Variants in ABAT observed in about 807,000 individuals in gnomAD.
The protein encoded by ABAT is 4-aminobutyrate aminotransferase, mitochondrial.
In ABAT, 45 loss-of-function variants were observed where a neutral mutation model predicts 64.6. That is an observed-to-expected ratio of 0.70 (90% CI 0.55 to 0.89). The LOEUF is 0.89. ABAT is among the 40% of genes least tolerant of loss of function. The pLI is 0.00. For missense variants in ABAT, 633 were observed against 658.4 expected, an observed-to-expected ratio of 0.96 and a Z score of 0.42; for synonymous variants, 297 against 250.5, an observed-to-expected ratio of 1.19 and a Z score of -1.75.
rs1277039322 is a variant in ABAT at position 8,781,471 on chromosome 16, C to A, written c.*41C>A. ...TACAGTGAGAAAGCCCGGATCCCAACAGTTGTCAAATTGATTAGTTTGCCT... is the reference window on the plus strand; with the variant it reads ...TACAGTGAGAAAGCCCGGATCCCAAAAGTTGTCAAATTGATTAGTTTGCCT... On this transcript the variant is annotated 3_prime_UTR_variant, in exon 16 of 16. Transcript: ENST00000268251. The surrounding 1 kb of genome is among the most constrained non-coding windows in gnomAD (Gnocchi z 4.5). 3 of 1,612,836 alleles carry A rather than the reference C, an allele frequency of 1.9e-6. No individual in the cohort carries two copies. The highest frequency in any genetic ancestry group is 1.7e-6 in the Non-Finnish European group (2 of 1,179,088).
rs1244978983 is a variant in ABAT at position 8,738,622 on chromosome 16, GTTTTTGTTTTTT to G, written c.70+2818_70+2829del. Among the ~76,000 whole-genome samples, 32 of 111,374 alleles carry G rather than the reference GTTTTTGTTTTTT, an allele frequency of 2.9e-4. 1 individual carries two copies. Among genetic ancestry groups the G allele is most frequent in the Admixed American group, 2.7e-3 (31 of 11,692 alleles). The allele number at this position is 111,374 out of a possible 152,430, so 73.1% of individuals were successfully genotyped here. A position where few individuals can be genotyped will look rare whatever the true frequency, so the allele number is the denominator to read the frequency against. ...CTTTTTTGTTTTTGTTTTTGTTTTT[GTTTTTGTTTTTT>G]TTTTGGTGTGTGTGTATGTGTGTCT... On this transcript the variant is annotated intron_variant, in intron 2 of 15. Coordinates refer to ENST00000268251, the MANE Select transcript of ABAT (RefSeq NM_020686.6).
chr16:8,713,996 G>C (rs555303861), intron 1 of ABAT: 2 of 437,806 alleles, frequency 4.6e-6, no homozygotes, highest in African/African-American at 2.0e-5. Flanking sequence ...GGTCGGGGGG[G>C]CACACACCCT....
intron 1 of ABAT, among the ~76,000 whole-genome samples, chr16:8,697,008 CGAG>C (rs1165738178): frequency 6.6e-6 from 1 of 152,116 alleles, no homozygotes; most frequent in Non-Finnish European, 1.5e-5. Context: ...GAACAAGAGA[CGAG>C]GAGCTTGCGT....
intron 1 of ABAT, among the ~76,000 whole-genome samples, chr16:8,694,193 AT>A (rs35832558): frequency 0.39 from 51,310 of 130,974 alleles, 9,709 homozygotes; most frequent in East Asian, 0.61. Context: ...CAATGCCCAG[AT>A]TTTTTTTTTT....
At position 8,781,701 on chromosome 16, in the gene ABAT, G is replaced by T; in HGVS notation, c.*271G>T. On this transcript the variant is annotated 3_prime_UTR_variant, in exon 16 of 16. Coordinates refer to ENST00000268251, the MANE Select transcript of ABAT (RefSeq NM_020686.6). The surrounding 1 kb of genome is among the most constrained non-coding windows in gnomAD (Gnocchi z 4.5). ...TGGACTCATCTTGGGAAGGGCCATG[G>T]GAGGTCCTGGCTAGAGTTCTGCCCA... 1 of 534,812 alleles carries T rather than the reference G, an allele frequency of 1.9e-6. No homozygotes were observed. The highest frequency in any genetic ancestry group is 1.9e-5 in the African/African-American group (1 of 52,660). The allele number at this position is 534,812 out of a possible 1,614,324, so 33.1% of individuals were successfully genotyped here.
At chr16:8,690,660 G>A (rs1279551383) in intron 1 of ABAT, among the ~76,000 whole-genome samples, 1 of 152,174 alleles carries the variant, frequency 6.6e-6, no homozygotes, top group Non-Finnish European at 1.5e-5. Flanking sequence ...TCTCGGCAGT[G>A]CCTTTTAAAT....
chr16:8,766,215 A>C lies in ABAT; in HGVS notation c.548A>C (p.Glu183Ala). The C allele has an allele frequency of 6.2e-7, 1 of 1,613,964 alleles. No individual in the cohort carries two copies. The highest frequency in any genetic ancestry group is 1.6e-4 in the Middle Eastern group (1 of 6,062). Residue 183 changes from glutamate to alanine, a missense_variant, in exon 9 of 16, where the codon GAA becomes GCA. By Grantham distance (107) the Glu-to-Ala change is moderately radical. Transcript: ENST00000268251. ...TCTGTTCTATTGTTTCAGAGCAAGG[A>C]AAGAGGGCAGAGGGGCTTCTCCCAG... ...KTIFMWYRSK[E>A]RGQRGFSQEE...
intron 1 of ABAT, among the ~76,000 whole-genome samples, chr16:8,704,258 G>A (rs61677712): frequency 0.024 from 3,670 of 152,210 alleles, 126 homozygotes; most frequent in African/African-American, 0.083. Context: ...CCACACCTTC[G>A]GAAACCAAAC....
At chr16:8,772,733 G>T (rs2142993629) in intron 11 of ABAT, 47 bp from the exon 12 acceptor site, 1 of 1,613,632 alleles carries the variant, frequency 6.2e-7, no homozygotes, top group Middle Eastern at 1.7e-4. Context: ...ACGGATACTG[G>T]TCACAAGCCT....
intron 1 of ABAT, among the ~76,000 whole-genome samples, chr16:8,704,044 C>T (rs547767877): frequency 3.5e-4 from 53 of 152,348 alleles, no homozygotes; most frequent in Non-Finnish European, 6.0e-4. Flanking sequence ...TTCTTAACTC[C>T]AAGCTTTCCT....
chr16:8,761,857 C>T (rs945086737), intron 6 of ABAT, among the ~76,000 whole-genome samples: 1 of 152,196 alleles, frequency 6.6e-6, no homozygotes, highest in African/African-American at 2.4e-5. Flanking sequence ...CAAACCAAAC[C>T]ACCCTGAAAC....
At chr16:8,732,922 G>A (rs1262975712) in intron 1 of ABAT, among the ~76,000 whole-genome samples, 7 of 149,674 alleles carry the variant, frequency 4.7e-5, no homozygotes, top group South Asian at 2.1e-4. Flanking sequence ...CTGGCCGGGC[G>A]GGGGGCTGAC....
chr16:8,695,052 C>G (rs893820989), intron 1 of ABAT, among the ~76,000 whole-genome samples: 2 of 152,224 alleles, frequency 1.3e-5, no homozygotes, highest in Non-Finnish European at 1.5e-5. Flanking sequence ...GGTGATGACC[C>G]TTTAGTACCT....
intron 1 of ABAT, among the ~76,000 whole-genome samples, chr16:8,697,178 A>G (rs1477171177): frequency 2.0e-5 from 3 of 152,182 alleles, no homozygotes; most frequent in African/African-American, 7.2e-5. Flanking sequence ...GAGGAATGAG[A>G]CAGCCGTTTC....
At chr16:8,732,102 C>G (rs1282959355) in intron 1 of ABAT, among the ~76,000 whole-genome samples, 1 of 152,000 alleles carries the variant, frequency 6.6e-6, no homozygotes, top group Non-Finnish European at 1.5e-5. Flanking sequence ...ATCCACCCAT[C>G]TCGGCCTCCC....
intron 2 of ABAT, among the ~76,000 whole-genome samples, chr16:8,744,568 A>G (rs576201385): frequency 6.6e-6 from 1 of 151,826 alleles, no homozygotes. Flanking sequence ...GGATTTCGCC[A>G]TGTTGGCCAG....
At chr16:8,737,845 T>C (rs1000378873) in intron 2 of ABAT, among the ~76,000 whole-genome samples, 4 of 147,114 alleles carry the variant, frequency 2.7e-5, no homozygotes, top group African/African-American at 1.0e-4. Flanking sequence ...GAAGAAGCAC[T>C]TGAACCCAGA....
chr16:8,722,787 G>C (rs1283558545), intron 1 of ABAT: 1 of 1,288,480 alleles, frequency 7.8e-7, no homozygotes, highest in East Asian at 5.5e-5. Flanking sequence ...CCAGGGTCTA[G>C]CGGATTGCAA....
chr16:8,763,519 G>A (rs906225933), intron 6 of ABAT, among the ~76,000 whole-genome samples: 1 of 152,244 alleles, frequency 6.6e-6, no homozygotes, highest in Admixed American at 6.5e-5. Flanking sequence ...TTTGCACTGA[G>A]TGCATTACAC....
Sources: allele counts gnomAD v4.1 joint callset (sites outside exome capture counted in the v4.1 genomes callset), GRCh38; gene constraint gnomAD v4.1.1; non-coding constraint Gnocchi (gnomAD v3.1); transcripts MANE v1.5; gene names NCBI Gene and HGNC (gene_info 2026-07-23, HGNC 2026-07-21).